The following DCC variants were observed in gnomAD, a reference collection of about 807,000 sequenced individuals.
The protein encoded by DCC is netrin receptor DCC.
DCC carries 58 observed loss-of-function variants against 172.5 expected under a neutral mutation model. That is an observed-to-expected ratio of 0.34 (90% CI 0.27 to 0.42). The LOEUF (loss-of-function observed/expected upper bound fraction) is 0.42, where lower values mean the gene tolerates loss of function less well. Among genes scored for constraint, DCC ranks in the 10% least tolerant of loss-of-function variants. DCC has a pLI of 1.00. For missense variants in DCC, 1,740 were observed against 1,791.0 expected, an observed-to-expected ratio of 0.97 and a Z score of 0.51; for synonymous variants, 709 against 644.5, an observed-to-expected ratio of 1.10 and a Z score of -1.52.
At chr18:53,094,953 T>C (rs1048998757) in intron 7 of DCC, among the ~76,000 whole-genome samples, 8 of 152,208 alleles carry the variant, frequency 5.3e-5, no homozygotes, top group Non-Finnish European at 1.0e-4. Flanking sequence ...TCTAGAACTC[T>C]ATATTAAATG....
At chr18:52,399,358 C>T (rs1021793753) in intron 1 of DCC, among the ~76,000 whole-genome samples, 1 of 151,822 alleles carries the variant, frequency 6.6e-6, no homozygotes, top group Non-Finnish European at 1.5e-5. Flanking sequence ...TTTTCATCTT[C>T]GTTCTACTGC....
chr18:53,315,564 T>C (rs1476707112), intron 13 of DCC, among the ~76,000 whole-genome samples: 1 of 152,180 alleles, frequency 6.6e-6, no homozygotes, highest in Non-Finnish European at 1.5e-5. Flanking sequence ...GTTGAACTAA[T>C]TTACACTCCC....
At chr18:53,268,495 C>A (rs180731781) in intron 12 of DCC, among the ~76,000 whole-genome samples, 3 of 151,990 alleles carry the variant, frequency 2.0e-5, no homozygotes, top group South Asian at 2.1e-4. Flanking sequence ...AGATGAAATG[C>A]CTTCTTACAT....
At chr18:53,466,270 C>CT (rs1188434428) in intron 24 of DCC, among the ~76,000 whole-genome samples, 1 of 152,030 alleles carries the variant, frequency 6.6e-6, no homozygotes, top group Admixed American at 6.5e-5. Context: ...TCCTAGGAAA[C>CT]TTTTTTAGTA....
intron 1 of DCC, among the ~76,000 whole-genome samples, chr18:52,435,560 C>T (rs1987765127): frequency 6.6e-6 from 1 of 152,210 alleles, no homozygotes; most frequent in Non-Finnish European, 1.5e-5. Flanking sequence ...TGACTGGTTT[C>T]TCATCACCCT....
In DCC at chr18:53,431,741, C is replaced by T. The variant is rs897325844; in HGVS notation, c.3164-3403C>T. 2.8e-4 allele frequency among the ~76,000 whole-genome samples: 43 copies of T among 152,216 alleles called. No homozygotes were observed. In the Middle Eastern group the frequency reaches 0.01, roughly 36 times the overall value. On this transcript the variant is annotated intron_variant, in intron 21 of 28. Coordinates refer to ENST00000442544, the MANE Select transcript of DCC (RefSeq NM_005215.4). ...TCAAGTGATCCACCCTCCTCGGCCT[C>T]CCAAAGTTCTGGGATTACAGGCATG...
chr18:53,067,303 T>A (rs1405449923), intron 7 of DCC, among the ~76,000 whole-genome samples: 1 of 152,080 alleles, frequency 6.6e-6, no homozygotes, highest in African/African-American at 2.4e-5. Flanking sequence ...TGAGGATGGC[T>A]TGAGACCAGG....
intron 7 of DCC, among the ~76,000 whole-genome samples, chr18:53,140,841 A>G (rs1303073617): frequency 6.6e-6 from 1 of 152,172 alleles, no homozygotes; most frequent in Admixed American, 6.5e-5. Context: ...ACCAAAAAAG[A>G]CATGATAGGT....
At chr18:53,474,882 T>C (rs2045743128) in intron 25 of DCC, among the ~76,000 whole-genome samples, 1 of 152,180 alleles carries the variant, frequency 6.6e-6, no homozygotes, top group Admixed American at 6.5e-5. Flanking sequence ...TGTGGGAAAG[T>C]TTGGAACTTC....
chr18:52,821,316 G>C (rs994335536), intron 2 of DCC, among the ~76,000 whole-genome samples: 1 of 152,038 alleles, frequency 6.6e-6, no homozygotes, highest in Non-Finnish European at 1.5e-5. Context: ...TCCAACCGAG[G>C]TGTATTCCTC....
chr18:53,288,166 G>A (rs1002440853), intron 12 of DCC, among the ~76,000 whole-genome samples: 1 of 152,112 alleles, frequency 6.6e-6, no homozygotes, highest in Non-Finnish European at 1.5e-5. Flanking sequence ...GCATAAAAAA[G>A]TAATTCAAGG....
chr18:52,596,127 G>A (rs1017630252), intron 1 of DCC, among the ~76,000 whole-genome samples: 1 of 152,152 alleles, frequency 6.6e-6, no homozygotes, highest in African/African-American at 2.4e-5. Flanking sequence ...AATAGATCTG[G>A]AAGGTACCAG....
intron 1 of DCC, among the ~76,000 whole-genome samples, chr18:52,664,470 C>CTTTTTTTTTTTTTTTTTTTTTTT (rs74178680): frequency 1.0e-5 from 1 of 99,800 alleles, no homozygotes; most frequent in African/African-American, 4.1e-5. Flanking sequence ...TTTTCTTTTT[C>CTTTTTTTTTTTTTTTTTTTTTTT]TTTTTCTTTT....
intron 25 of DCC, among the ~76,000 whole-genome samples, chr18:53,484,245 A>C (rs1486721427): frequency 6.6e-6 from 1 of 151,896 alleles, no homozygotes; most frequent in Non-Finnish European, 1.5e-5. Context: ...TTACTCATTC[A>C]AGTTATTTAC....
At chr18:52,999,661 C>G (rs541333324) in intron 5 of DCC, among the ~76,000 whole-genome samples, 1 of 152,190 alleles carries the variant, frequency 6.6e-6, no homozygotes, top group African/African-American at 2.4e-5. Context: ...TCTTCCCTTT[C>G]AAAACCGTAA....
At chr18:53,003,385 C>T (rs1043102961) in intron 5 of DCC, among the ~76,000 whole-genome samples, 12 of 152,230 alleles carry the variant, frequency 7.9e-5, no homozygotes, top group African/African-American at 2.4e-4. Flanking sequence ...GGGTCAGTGG[C>T]GGAGCCTGTG....
chr18:52,798,421 C>T (rs2037919620), intron 2 of DCC, among the ~76,000 whole-genome samples: 1 of 152,134 alleles, frequency 6.6e-6, no homozygotes, highest in Admixed American at 6.5e-5. Flanking sequence ...TCAGGCTGCC[C>T]TCTGACTCCT....
intron 1 of DCC, among the ~76,000 whole-genome samples, chr18:52,663,560 C>T (rs1236564614): frequency 6.6e-6 from 1 of 152,116 alleles, no homozygotes; most frequent in Non-Finnish European, 1.5e-5. Context: ...AAAATATTCA[C>T]CCTAGCTAAA....
intron 1 of DCC, among the ~76,000 whole-genome samples, chr18:52,345,142 C>T (rs979505984): frequency 6.6e-6 from 1 of 152,152 alleles, no homozygotes; most frequent in Non-Finnish European, 1.5e-5. Flanking sequence ...ATTAATCTAC[C>T]TCAGATGATA....
Sources: allele counts gnomAD v4.1 joint callset (sites outside exome capture counted in the v4.1 genomes callset), GRCh38; gene constraint gnomAD v4.1.1; transcripts MANE v1.5; gene names NCBI Gene and HGNC (gene_info 2026-07-23, HGNC 2026-07-21).